FSHR: variants seen among roughly 807,000 people sequenced by gnomAD.
FSHR encodes the protein follicle-stimulating hormone receptor.
FSHR carries 46 observed loss-of-function variants against 52.1 expected under a neutral mutation model. The ratio of observed to expected loss-of-function variants is 0.88; its 90% confidence interval spans 0.70 to 1.13. The LOEUF is 1.13. FSHR is among the 50% of genes most tolerant of loss of function. FSHR has a pLI of 0.00. For synonymous variants in FSHR, 399 were observed against 309.6 expected (o/e 1.29, Z -3.03); for missense variants, 964 against 834.6 (o/e 1.16, Z -1.91).
intron 2 of FSHR, among the ~76,000 whole-genome samples, chr2:49,045,583 A>G (rs1668627771): frequency 6.6e-6 from 1 of 152,192 alleles, no homozygotes; most frequent in Non-Finnish European, 1.5e-5. Context: ...AAAGAAAGCC[A>G]ATAAGTCTAG....
intron 1 of FSHR, among the ~76,000 whole-genome samples, chr2:49,133,376 T>C (rs1017246887): frequency 3.3e-5 from 5 of 151,892 alleles, no homozygotes; most frequent in African/African-American, 1.2e-4. Flanking sequence ...GATCTCAAGC[T>C]ACAAACCACT....
intron 1 of FSHR, among the ~76,000 whole-genome samples, chr2:49,123,290 C>G (rs1445886003): frequency 6.6e-6 from 1 of 152,102 alleles, no homozygotes; most frequent in Non-Finnish European, 1.5e-5. Flanking sequence ...TGCTCGAGAC[C>G]AGTCTGGGCA....
chr2:49,071,419 A>G (rs1025179468), intron 1 of FSHR, among the ~76,000 whole-genome samples: 26 of 152,206 alleles, frequency 1.7e-4, no homozygotes, highest in Admixed American at 4.6e-4. Context: ...TTAAAATTCT[A>G]TAATGTAGAA....
chr2:49,134,391 C>T (rs538351190), intron 1 of FSHR, among the ~76,000 whole-genome samples: 37 of 152,176 alleles, frequency 2.4e-4, no homozygotes, highest in African/African-American at 7.0e-4. Context: ...GTTAAAATGG[C>T]GATCATTAAA....
chr2:49,048,939 G>C (rs893463596), intron 2 of FSHR, among the ~76,000 whole-genome samples: 1 of 152,068 alleles, frequency 6.6e-6, no homozygotes, highest in African/African-American at 2.4e-5. Flanking sequence ...ATCTTATTAA[G>C]TCATACACAG....
At chr2:49,024,676 C>T (rs140154087) in intron 2 of FSHR, among the ~76,000 whole-genome samples, 1 of 152,146 alleles carries the variant, frequency 6.6e-6, no homozygotes, top group Non-Finnish European at 1.5e-5. Context: ...CTGGGTCTTT[C>T]CCATCTTGTC....
chr2:49,134,038 C>T (rs1046896522), intron 1 of FSHR, among the ~76,000 whole-genome samples: 9 of 152,284 alleles, frequency 5.9e-5, no homozygotes, highest in African/African-American at 1.7e-4. Context: ...ACACCAAAAG[C>T]GATGGCAACA....
intron 2 of FSHR, among the ~76,000 whole-genome samples, chr2:49,055,236 AAT>A (rs1260278892): frequency 6.6e-6 from 1 of 151,738 alleles, no homozygotes; most frequent in Admixed American, 6.6e-5. Flanking sequence ...CAATTAATAA[AAT>A]ATAAAAGGAA....
intron 5 of FSHR, among the ~76,000 whole-genome samples, chr2:48,989,655 C>G (rs1006271511): frequency 2.0e-5 from 3 of 152,174 alleles, no homozygotes; most frequent in African/African-American, 7.2e-5. Context: ...CCTTTCACCT[C>G]TTGTCTAACT....
intron 1 of FSHR, among the ~76,000 whole-genome samples, chr2:49,088,814 C>A (rs1460451117): frequency 6.6e-6 from 1 of 151,404 alleles, no homozygotes; most frequent in African/African-American, 2.4e-5. Flanking sequence ...AATGAAGTCA[C>A]AAGGAAAGCT....
chr2:49,109,354 G>A (rs910089056), intron 1 of FSHR, among the ~76,000 whole-genome samples: 1 of 152,110 alleles, frequency 6.6e-6, no homozygotes, highest in Non-Finnish European at 1.5e-5. Context: ...GTGGAGAAAT[G>A]CCATGAGAGA....
chr2:49,007,668 G>C (rs1208975864), intron 4 of FSHR, among the ~76,000 whole-genome samples: 1 of 152,074 alleles, frequency 6.6e-6, no homozygotes, highest in African/African-American at 2.4e-5. Context: ...AGTAGTAGAT[G>C]TCCTAAAGAA....
At chr2:49,116,894 C>A (rs750773786) in intron 1 of FSHR, among the ~76,000 whole-genome samples, 4 of 152,148 alleles carry the variant, frequency 2.6e-5, no homozygotes, top group Non-Finnish European at 4.4e-5. Flanking sequence ...AATAAAGGAG[C>A]ATTTACTTCC....
chr2:49,086,834 T>C (rs2882158), intron 1 of FSHR, among the ~76,000 whole-genome samples: 29,634 of 152,032 alleles, frequency 0.19, 3,122 homozygotes, highest in East Asian at 0.28. Flanking sequence ...GTGTTGGCCA[T>C]GGTTGGCCAG....
Position 48,963,075 on chromosome 2 carries a change from G to T in FSHR, c.1746C>A (p.Phe582Leu). The T allele has an allele frequency of 6.2e-7, 1 of 1,614,064 alleles. No homozygotes were observed. Among genetic ancestry groups the T allele is most frequent in the Non-Finnish European group, 8.5e-7 (1 of 1,180,000 alleles). The part of the protein sequence containing the change: ...KRMAMLIFTD[F>L]LCMAPISFFA... ...AGAAAGAAATGGGTGCCATGCAGAG[G>T]AAGTCAGTGAAGATGAGCATGGCCA... is the stretch of plus-strand genomic sequence containing the variant. The change falls in exon 10 of 10, where the codon TTC (phenylalanine) becomes TTA (leucine). Residue 582 changes from phenylalanine (F) to leucine (L), a missense_variant. Physicochemically the swap from Phe to Leu is conservative, Grantham distance 22. Coordinates refer to ENST00000406846, the MANE Select transcript of FSHR (RefSeq NM_000145.4).
intron 2 of FSHR, among the ~76,000 whole-genome samples, chr2:49,063,835 C>T (rs961623328): frequency 1.3e-5 from 2 of 151,710 alleles, no homozygotes; most frequent in Non-Finnish European, 2.9e-5. Context: ...TGAATGTTTC[C>T]AAAACAAAGA....
chr2:49,126,685 A>C (rs1672009055), intron 1 of FSHR, among the ~76,000 whole-genome samples: 1 of 152,162 alleles, frequency 6.6e-6, no homozygotes, highest in Admixed American at 6.5e-5. Context: ...CAATTCTGTC[A>C]CTGTATAGAG....
At chr2:49,063,720 A>G (rs1669398872) in intron 2 of FSHR, among the ~76,000 whole-genome samples, 1 of 152,156 alleles carries the variant, frequency 6.6e-6, no homozygotes. Flanking sequence ...ATATAAAAGT[A>G]CAGCAAAATA....
At chr2:49,103,973 G>T (rs1346344178) in intron 1 of FSHR, among the ~76,000 whole-genome samples, 1 of 147,630 alleles carries the variant, frequency 6.8e-6, no homozygotes, top group African/African-American at 2.5e-5. Flanking sequence ...GGTGGGCTAT[G>T]TTTTTTTTTT....
Sources: allele counts gnomAD v4.1 joint callset (sites outside exome capture counted in the v4.1 genomes callset), GRCh38; gene constraint gnomAD v4.1.1; transcripts MANE v1.5; gene names NCBI Gene and HGNC (gene_info 2026-07-23, HGNC 2026-07-21).